Variants in OLFM3 observed in about 807,000 individuals in gnomAD.
OLFM3 encodes noelin-3.
Under a neutral mutation model 48.6 loss-of-function variants are expected in OLFM3, and 20 were observed. The ratio of observed to expected loss-of-function variants is 0.41; its 90% confidence interval spans 0.29 to 0.60. The LOEUF (loss-of-function observed/expected upper bound fraction) is 0.60, where lower values mean the gene tolerates loss of function less well. OLFM3 is among the 20% of genes least tolerant of loss of function. The pLI is 0.28. For missense variants in OLFM3, 437 were observed against 544.3 expected (o/e 0.80, Z 1.96); for synonymous variants, 222 against 198.1 (o/e 1.12, Z -1.01).
chr1:101,812,801 G>A (rs1654133682), intron 4 of OLFM3: 1 of 989,878 alleles, frequency 1.0e-6, no homozygotes, highest in African/African-American at 1.7e-5. Flanking sequence ...TGGTCTTTTG[G>A]CTAGTTGACT....
chr1:101,904,450 G>A (rs943557), intron 1 of OLFM3, among the ~76,000 whole-genome samples: 68,163 of 151,824 alleles, frequency 0.45, 15,503 homozygotes, highest in East Asian at 0.59. Context: ...CTAGCCTGAC[G>A]CATGGTCCAT....
intron 1 of OLFM3, among the ~76,000 whole-genome samples, chr1:101,923,296 AAGAT>A (rs1194376957): frequency 3.3e-5 from 5 of 152,242 alleles, no homozygotes; most frequent in Non-Finnish European, 7.3e-5. Context: ...AATATAATAT[AAGAT>A]ATGGTAGAAT....
chr1:101,952,072 C>G (rs1266947029), intron 1 of OLFM3, among the ~76,000 whole-genome samples: 7 of 151,978 alleles, frequency 4.6e-5, no homozygotes, highest in Non-Finnish European at 1.0e-4. Flanking sequence ...CTCACTGGTA[C>G]TTTTGATCAA....
chr1:101,900,026 T>A (rs1469316420), intron 1 of OLFM3, among the ~76,000 whole-genome samples: 1 of 152,150 alleles, frequency 6.6e-6, no homozygotes, highest in African/African-American at 2.4e-5. Flanking sequence ...TCACAAGAAA[T>A]TACAAGATCT....
intron 1 of OLFM3, among the ~76,000 whole-genome samples, chr1:101,880,745 A>T (rs1219164381): frequency 6.6e-6 from 1 of 151,918 alleles, no homozygotes; most frequent in Non-Finnish European, 1.5e-5. Context: ...TTTCTGCTGC[A>T]AATACCTTGG....
At chr1:101,985,093 T>C (rs1216972870) in intron 1 of OLFM3, among the ~76,000 whole-genome samples, 1 of 152,240 alleles carries the variant, frequency 6.6e-6, no homozygotes, top group Non-Finnish European at 1.5e-5. Flanking sequence ...CCTGCATATG[T>C]TGGCTTGTGC....
chr1:101,846,063 T>C (rs2100941096), intron 1 of OLFM3, among the ~76,000 whole-genome samples: 1 of 152,340 alleles, frequency 6.6e-6, no homozygotes, highest in Non-Finnish European at 1.5e-5. Context: ...TGTAAATTTC[T>C]ATTTCAAAAA....
At chr1:101,866,062 T>C (rs1656844691) in intron 1 of OLFM3, among the ~76,000 whole-genome samples, 1 of 152,206 alleles carries the variant, frequency 6.6e-6, no homozygotes, top group East Asian at 1.9e-4. Context: ...TCTATCAGTA[T>C]GTAGAGCACT....
At chr1:101,861,434 A>G (rs1429018962) in intron 1 of OLFM3, among the ~76,000 whole-genome samples, 1 of 152,242 alleles carries the variant, frequency 6.6e-6, no homozygotes, top group African/African-American at 2.4e-5. Flanking sequence ...CTGCCTAGAC[A>G]TTACCAGTGT....
At chr1:101,860,976 A>T (rs1656629516) in intron 1 of OLFM3, among the ~76,000 whole-genome samples, 1 of 152,086 alleles carries the variant, frequency 6.6e-6, no homozygotes, top group South Asian at 2.1e-4. Context: ...CACTCATTTT[A>T]GGGACGGATC....
At chr1:101,892,450 T>C (rs533085711) in intron 1 of OLFM3, among the ~76,000 whole-genome samples, 39 of 152,104 alleles carry the variant, frequency 2.6e-4, no homozygotes, top group African/African-American at 5.8e-4. Context: ...CTAACAAACA[T>C]ACTTTTCCTA....
intron 4 of OLFM3, among the ~76,000 whole-genome samples, chr1:101,822,227 T>C (rs983973586): frequency 6.6e-6 from 1 of 152,138 alleles, no homozygotes; most frequent in Admixed American, 6.6e-5. Context: ...ATTATTTCCA[T>C]CTAGGTAAAC....
chr1:101,906,787 TATC>T (rs1195893681), intron 1 of OLFM3, among the ~76,000 whole-genome samples: 1 of 152,166 alleles, frequency 6.6e-6, no homozygotes, highest in Non-Finnish European at 1.5e-5. Context: ...TTCAGTGGAC[TATC>T]ATCATCAGTG....
At chr1:101,983,072 C>A (rs530797430) in intron 1 of OLFM3, among the ~76,000 whole-genome samples, 33 of 152,200 alleles carry the variant, frequency 2.2e-4, no homozygotes, top group African/African-American at 7.7e-4. Context: ...AGGTTAAGTC[C>A]TGAAATATTT....
In OLFM3 at chr1:101,825,034, TTCATGCAGTCACGAAG is replaced by T; in HGVS notation, c.568_583del (p.Leu190LysfsTer3). 1 of 1,613,896 alleles carries T rather than the reference TTCATGCAGTCACGAAG, an allele frequency of 6.2e-7. No homozygotes were observed. The highest frequency in any genetic ancestry group is 8.5e-7 in the Non-Finnish European group (1 of 1,179,802). On this transcript the variant is annotated frameshift_variant, in exon 4 of 6. Coordinates refer to ENST00000370103, the MANE Select transcript of OLFM3 (RefSeq NM_058170.4). LOFTEE classifies it high-confidence loss of function. ...TAAATTGTCATACTCACTTAGCTTTTTCATGCAGTCACGAAGTCTTGTTTCCAAGCTCAGCACTCTT... is the reference window on the plus strand; with the variant it reads ...TAAATTGTCATACTCACTTAGCTTTTTCTTGTTTCCAAGCTCAGCACTCTT...
At chr1:101,868,692 A>G (rs1042918624) in intron 1 of OLFM3, among the ~76,000 whole-genome samples, 2 of 152,240 alleles carry the variant, frequency 1.3e-5, no homozygotes, top group African/African-American at 4.8e-5. Context: ...AAATGTCTCC[A>G]AGGCATGTTA....
chr1:101,804,383 T>C lies in OLFM3; in HGVS notation c.1232A>G (p.Asp411Gly), dbSNP rs201625717. 1.2e-4 allele frequency: 188 copies of C among 1,612,432 alleles called. No individual in the cohort carries two copies. The highest frequency in any genetic ancestry group is 8.2e-4 in the Middle Eastern group (5 of 6,064). ...STKTSTYEYT[D>G]IPFHNQYFHI... ...AAAGTATTGGTTATGGAAGGGAATG[T>C]CTGTGTACTCATATGTGGAGGTTTT... The change falls in exon 6 of 6, where the codon GAC becomes GGC. Residue 411 changes from aspartate to glycine, a missense_variant. Asp to Gly is a moderately conservative substitution (Grantham distance 94). This residue lies in a region of OLFM3 where 108 missense variants were observed against 135.8 expected (regional missense o/e 0.80). Transcript: ENST00000370103. This position sits in a 1 kb window ranked among gnomAD's most constrained non-coding sequence, Gnocchi z 4.5.
chr1:101,977,114 T>G (rs914129075), intron 1 of OLFM3, among the ~76,000 whole-genome samples: 11 of 152,172 alleles, frequency 7.2e-5, no homozygotes, highest in African/African-American at 2.2e-4. Context: ...TCTTACCAAT[T>G]TTTCAAAGGT....
At chr1:101,826,787 C>T (rs1654885833) in intron 3 of OLFM3, among the ~76,000 whole-genome samples, 1 of 152,106 alleles carries the variant, frequency 6.6e-6, no homozygotes. Context: ...TAAAGGAATA[C>T]ACAATTGTTT....
Sources: gnomAD v4.1 joint callset for allele counts (sites outside exome capture counted in the v4.1 genomes callset) on GRCh38, gnomAD v4.1.1 for gene constraint, gnomAD v4.1.1 regional missense constraint, Gnocchi (gnomAD v3.1) non-coding constraint, MANE v1.5 for transcripts, NCBI Gene and HGNC (gene_info 2026-07-23, HGNC 2026-07-21) for gene names.